PAK1: variants seen among roughly 807,000 people sequenced by gnomAD.
PAK1 encodes the protein p21 (RAC1) activated kinase 1.
In PAK1, 29 loss-of-function variants were observed where a neutral mutation model predicts 67.4. That is an observed-to-expected ratio of 0.43 (90% CI 0.32 to 0.59). The LOEUF is 0.59. Ranked by LOEUF, PAK1 falls within the 20% of genes least tolerant of loss-of-function variation. PAK1 has a pLI of 0.07. For synonymous variants in PAK1, 223 were observed against 237.4 expected (o/e 0.94, Z 0.56); for missense variants, 337 against 670.7 (o/e 0.50, Z 5.50).
intron 8 of PAK1, 190 bp downstream of exon 8, chr11:77,353,346 C>T (rs926074854): frequency 5.9e-6 from 3 of 511,864 alleles, no homozygotes; most frequent in Non-Finnish European, 1.1e-5. Flanking sequence ...CAGCTAATGG[C>T]ATCTCTCTCA....
the PAK1 span, among the ~76,000 whole-genome samples, chr11:77,490,007 C>A: frequency 6.7e-6 from 1 of 148,480 alleles, no homozygotes; most frequent in African/African-American, 2.5e-5. Context: ...AAGTGAGGAA[C>A]GCCTCTTCCC....
At chr11:77,498,817 C>T in the PAK1 span, among the ~76,000 whole-genome samples, 1 of 150,004 alleles carries the variant, frequency 6.7e-6, no homozygotes, top group Admixed American at 6.8e-5. Context: ...TCTCCTGCCT[C>T]AGCCTCCTAA....
intron 1 of PAK1, among the ~76,000 whole-genome samples, chr11:77,399,631 T>G (rs7120719): frequency 0.091 from 13,869 of 151,660 alleles, 1,486 homozygotes; most frequent in African/African-American, 0.24. Flanking sequence ...AGGCCGAGGC[T>G]GGCGGATCAC....
Position 77,322,748 on chromosome 11 carries a change from G to A in PAK1, c.*526C>T. On this transcript the variant is annotated 3_prime_UTR_variant, in exon 15 of 15. Transcript: ENST00000356341. ...TCAGGATCAGCTGAGCCAAAGTCAT[G>A]GTCCAGGAAGCTGAGCCTCTTCATG... The A allele has an allele frequency of 3.4e-6, 1 of 293,978 alleles. No homozygotes were observed. Among genetic ancestry groups the A allele is most frequent in the Non-Finnish European group, 6.4e-6 (1 of 155,440 alleles). 18.2% of individuals were successfully genotyped at this position (293,978 alleles called of 1,614,324 possible). A position where few individuals can be genotyped will look rare whatever the true frequency, so the allele number is the denominator to read the frequency against.
At chr11:77,364,299 C>A (rs1947202583) in intron 5 of PAK1, among the ~76,000 whole-genome samples, 1 of 152,202 alleles carries the variant, frequency 6.6e-6, no homozygotes, top group Non-Finnish European at 1.5e-5. Flanking sequence ...ACACATAGAT[C>A]CATCAACAGA....
chr11:77,507,526 T>A, the PAK1 span, among the ~76,000 whole-genome samples: 8 of 152,084 alleles, frequency 5.3e-5, no homozygotes, highest in South Asian at 1.2e-3. Flanking sequence ...CCAATATACT[T>A]TTTTTTTCTT....
At chr11:77,402,187 C>T (rs137982621) in intron 1 of PAK1, among the ~76,000 whole-genome samples, 8 of 152,260 alleles carry the variant, frequency 5.3e-5, no homozygotes, top group East Asian at 3.9e-4. Context: ...ACACTAATTA[C>T]GTAATTTGAG....
At chr11:77,490,413 A>C in the PAK1 span, among the ~76,000 whole-genome samples, 1 of 135,090 alleles carries the variant, frequency 7.4e-6, no homozygotes, top group Admixed American at 7.2e-5. Flanking sequence ...CTGGGAAGTG[A>C]GGAGCCCCTC....
intron 1 of PAK1, among the ~76,000 whole-genome samples, chr11:77,399,858 C>CAAAAAAAAAAAAAAAAA (rs34662738): frequency 2.4e-5 from 1 of 42,362 alleles, no homozygotes; most frequent in African/African-American, 7.7e-5. Context: ...GACTCCGTCT[C>CAAAAAAAAAAAAAAAAA]AAAAAAAAAA....
chr11:77,358,853 T>C, intron 6 of PAK1, 45 bp downstream of exon 6: 1 of 1,606,688 alleles, frequency 6.2e-7, no homozygotes. Flanking sequence ...CTCTCCCCAC[T>C]TACTCTAATA....
In PAK1 at chr11:77,437,611, C is replaced by T. The variant is rs188412789; in HGVS notation, c.-22+35941G>A. ...TGTCTTGGGGAAGAGGTAGCCACTA[C>T]CGGCATCTAGCAGGCAGAGGACAGG... is the stretch of plus-strand genomic sequence containing the variant. On this transcript the variant is annotated intron_variant, in intron 1 of 14. Transcript: ENST00000356341. Among the ~76,000 whole-genome samples the T allele has an allele frequency of 2.0e-3, 312 of 152,210 alleles. 3 individuals are homozygous for T. The highest frequency in any genetic ancestry group is 7.2e-3 in the African/African-American group (298 of 41,536).
At chr11:77,351,880 A>ATT (rs11389420) in intron 8 of PAK1, among the ~76,000 whole-genome samples, 7,016 of 148,904 alleles carry the variant, frequency 0.047, 302 homozygotes, top group African/African-American at 0.11. Context: ...TAGAAATCTC[A>ATT]TTTTTTTTTT....
Position 77,379,480 on chromosome 11 carries a change from A to G in PAK1, c.292-92T>C, listed in dbSNP as rs1949535860. The G allele has an allele frequency of 3.5e-6, 4 of 1,150,872 alleles. No homozygotes were observed. The East Asian group carries it at 9.6e-5, about 28-fold the overall frequency. 71.3% of individuals were successfully genotyped at this position (1,150,872 alleles called of 1,614,324 possible). A position where few individuals can be genotyped will look rare whatever the true frequency, so the allele number is the denominator to read the frequency against. ...GCTAACTTTGACACTTGCTAGCAGC[A>G]AAAGATGCATTTATTAGTCATTCCT... On this transcript the variant is annotated intron_variant, in intron 3 of 14. Coordinates refer to ENST00000356341, the MANE Select transcript of PAK1 (RefSeq NM_002576.5).
chr11:77,499,031 T>G, the PAK1 span, among the ~76,000 whole-genome samples: 1 of 151,858 alleles, frequency 6.6e-6, no homozygotes, highest in African/African-American at 2.4e-5. Context: ...TGCAAGAAAT[T>G]TTTTTTATAC....
intron 1 of PAK1, among the ~76,000 whole-genome samples, chr11:77,399,879 A>AAG (rs1375946415): frequency 2.0e-5 from 3 of 149,836 alleles, no homozygotes; most frequent in Admixed American, 6.6e-5. Flanking sequence ...AAAAAAAAAA[A>AAG]AAAAAAAGAA....
At chr11:77,496,071 T>G in the PAK1 span, among the ~76,000 whole-genome samples, 4 of 149,168 alleles carry the variant, frequency 2.7e-5, no homozygotes, top group African/African-American at 9.9e-5. Context: ...CAGGCTGGAG[T>G]GCAGTGGCAC....
chr11:77,456,364 A>C (rs1957078295), intron 1 of PAK1, among the ~76,000 whole-genome samples: 1 of 152,198 alleles, frequency 6.6e-6, no homozygotes, highest in Admixed American at 6.5e-5. Context: ...AAAAGATTCA[A>C]GTATCTAAAC....
intron 1 of PAK1, among the ~76,000 whole-genome samples, chr11:77,428,099 G>A (rs996425011): frequency 6.6e-5 from 10 of 152,240 alleles, no homozygotes; most frequent in African/African-American, 2.2e-4. Context: ...TTGAATGACA[G>A]CCCAAGGAAC....
Position 77,472,320 on chromosome 11 carries a change from T to A in PAK1, c.-22+1232A>T, listed in dbSNP as rs141133306. On this transcript the variant is annotated intron_variant, in intron 1 of 14. Coordinates refer to ENST00000356341, the MANE Select transcript of PAK1 (RefSeq NM_002576.5). ...ATAGTTTCTAGTTGAGGTGGGGAGT[T>A]TTTATATGCACCTGACTTAGAATTT... Among the ~76,000 whole-genome samples the A allele has an allele frequency of 2.0e-4, 30 of 152,164 alleles. No individual in the cohort carries two copies. In the East Asian group the frequency reaches 4.8e-3, roughly 24 times the overall value.
Sources: gnomAD v4.1 joint callset for allele counts (sites outside exome capture counted in the v4.1 genomes callset) on GRCh38, gnomAD v4.1.1 for gene constraint, MANE v1.5 for transcripts, NCBI Gene and HGNC (gene_info 2026-07-23, HGNC 2026-07-21) for gene names.